The following PDE8B variants were observed in gnomAD, a reference collection of about 807,000 sequenced individuals.
PDE8B encodes high affinity cAMP-specific and IBMX-insensitive 3',5'-cyclic phosphodiesterase 8B.
PDE8B carries 26 observed loss-of-function variants against 101.3 expected under a neutral mutation model. That is an observed-to-expected ratio of 0.26 (90% CI 0.19 to 0.36). The LOEUF (loss-of-function observed/expected upper bound fraction) is 0.36, where lower values mean the gene tolerates loss of function less well. PDE8B is among the 10% of genes least tolerant of loss of function. The probability of loss-of-function intolerance (pLI) is 1.00; values close to 1 mark genes in which losing one functional copy is unlikely to be tolerated. For missense variants in PDE8B, 810 were observed against 1,163.1 expected (o/e 0.70, Z 4.42); for synonymous variants, 424 against 429.3 (o/e 0.99, Z 0.15).
chr5:77,400,210 T>A (rs776780722), intron 10 of PDE8B, 38 bp from the exon 11 acceptor site: 1 of 1,450,268 alleles, frequency 6.9e-7, no homozygotes, highest in Non-Finnish European at 9.7e-7. Context: ...ATATTTAAAA[T>A]CTTTCTCTTG....
intron 10 of PDE8B, among the ~76,000 whole-genome samples, chr5:77,364,551 C>G (rs1351251119): frequency 1.3e-5 from 2 of 152,132 alleles, no homozygotes; most frequent in African/African-American, 4.8e-5. Context: ...GCTAGGTTTC[C>G]TGGGTGAGAT....
At chr5:77,128,191 A>C in the PDE8B span, among the ~76,000 whole-genome samples, 1 of 152,164 alleles carries the variant, frequency 6.6e-6, no homozygotes, top group Non-Finnish European at 1.5e-5. Context: ...TTCCACCTGT[A>C]CCTCATCCCA....
At chr5:77,216,080 CAG>C (rs1320297492) in intron 1 of PDE8B, among the ~76,000 whole-genome samples, 6 of 152,166 alleles carry the variant, frequency 3.9e-5, no homozygotes, top group Admixed American at 3.9e-4. Context: ...CCTGATCAGA[CAG>C]AGTCTGGGCA....
At chr5:77,369,436 G>A (rs1784706746) in intron 10 of PDE8B, among the ~76,000 whole-genome samples, 1 of 151,930 alleles carries the variant, frequency 6.6e-6, no homozygotes, top group Non-Finnish European at 1.5e-5. Context: ...GAGGATGAGG[G>A]TGTGCTGGAC....
the PDE8B span, among the ~76,000 whole-genome samples, chr5:77,136,749 C>T: frequency 6.6e-6 from 1 of 152,158 alleles, no homozygotes; most frequent in Non-Finnish European, 1.5e-5. Flanking sequence ...TAGCTGCTGG[C>T]ATTTTTGCAG....
the PDE8B span, among the ~76,000 whole-genome samples, chr5:77,131,716 A>G: frequency 1.3e-5 from 2 of 152,254 alleles, no homozygotes; most frequent in Non-Finnish European, 2.9e-5. Flanking sequence ...TTTAGAAACA[A>G]TTCTCTTGTT....
upstream of PDE8B, among the ~76,000 whole-genome samples, chr5:77,207,394 C>G (rs925648475): frequency 5.9e-5 from 9 of 152,164 alleles, no homozygotes; most frequent in African/African-American, 1.9e-4. Context: ...TTATTTAATA[C>G]TATTATAAAA....
upstream of PDE8B, chr5:77,210,602 G>A: frequency 3.4e-5 from 33 of 980,414 alleles, no homozygotes; most frequent in Non-Finnish European, 3.9e-5. The surrounding 1 kb of genome is among the most constrained non-coding windows in gnomAD (Gnocchi z 4.9). Context: ...GAGGGAGGAG[G>A]GGAAGGCGGA....
intron 14 of PDE8B, among the ~76,000 whole-genome samples, chr5:77,410,017 G>A (rs1794225566): frequency 6.6e-6 from 1 of 152,268 alleles, no homozygotes. Flanking sequence ...AGCTGCAGTG[G>A]GAGGGGTCTG....
intron 1 of PDE8B, among the ~76,000 whole-genome samples, chr5:77,305,962 A>T (rs1771108248): frequency 6.6e-6 from 1 of 152,154 alleles, no homozygotes; most frequent in Admixed American, 6.5e-5. Flanking sequence ...GAAGGAAGGG[A>T]TTCTAAAGGA....
the PDE8B span, among the ~76,000 whole-genome samples, chr5:77,183,705 GT>G: frequency 1.3e-5 from 2 of 152,116 alleles, no homozygotes; most frequent in African/African-American, 4.8e-5. Context: ...GTCTTTTCAT[GT>G]CAGCAAAGAG....
chr5:77,097,734 C>CTATATATATATATATATAT, the PDE8B span, among the ~76,000 whole-genome samples: 1 of 26,838 alleles, frequency 3.7e-5, no homozygotes, highest in African/African-American at 8.0e-5. Context: ...TATATATATA[C>CTATATATATATATATATAT]ATACATATGA....
At chr5:77,266,640 ACCT>A (rs922119130) in intron 1 of PDE8B, among the ~76,000 whole-genome samples, 1 of 152,090 alleles carries the variant, frequency 6.6e-6, no homozygotes, top group Non-Finnish European at 1.5e-5. Context: ...TGAAGAGAAT[ACCT>A]CCTGTGACCA....
At chr5:77,357,809 C>T (rs1303805736) in intron 10 of PDE8B, among the ~76,000 whole-genome samples, 1 of 152,230 alleles carries the variant, frequency 6.6e-6, no homozygotes, top group African/African-American at 2.4e-5. Flanking sequence ...TTTGCCTTCT[C>T]TCTTTTATCC....
chr5:77,211,171 C>A lies in PDE8B; in HGVS notation c.246C>A (p.Ser82=). Residue 82 remains serine, a synonymous_variant, in exon 1 of 22, where the codon TCC becomes TCA. Coordinates refer to ENST00000264917, the MANE Select transcript of PDE8B (RefSeq NM_003719.5). The surrounding 1 kb of genome is among the most constrained non-coding windows in gnomAD (Gnocchi z 4.1). ...TELGSGSSAG[S]AAPAATTSRG... ...TGGGCAGCGGTAGCAGCGCGGGTTCCGCAGCCCCCGCCGCGACCACCAGCA... is the reference window on the plus strand; with the variant it reads ...TGGGCAGCGGTAGCAGCGCGGGTTCAGCAGCCCCCGCCGCGACCACCAGCA... 1 of 1,534,680 alleles carries A rather than the reference C, an allele frequency of 6.5e-7. No individual in the cohort carries two copies. The highest frequency in any genetic ancestry group is 8.7e-7 in the Non-Finnish European group (1 of 1,147,260).
chr5:77,314,102 G>A (rs1773275968), intron 2 of PDE8B, among the ~76,000 whole-genome samples: 1 of 151,782 alleles, frequency 6.6e-6, no homozygotes, highest in Admixed American at 6.6e-5. Context: ...TGTGAGGTAG[G>A]GGCTTTATTT....
intron 1 of PDE8B, among the ~76,000 whole-genome samples, chr5:77,215,771 G>C (rs1380937916): frequency 6.6e-6 from 1 of 152,192 alleles, no homozygotes; most frequent in African/African-American, 2.4e-5. Context: ...GAAGGAGGGA[G>C]TGAGCCCCGT....
At chr5:77,336,595 T>C (rs1312718747) in intron 5 of PDE8B, among the ~76,000 whole-genome samples, 5 of 151,332 alleles carry the variant, frequency 3.3e-5, no homozygotes, top group Non-Finnish European at 5.9e-5. Context: ...ATCCATTGTA[T>C]GTATACACCA....
chr5:77,222,770 T>C (rs1751435811), intron 1 of PDE8B, among the ~76,000 whole-genome samples: 1 of 152,214 alleles, frequency 6.6e-6, no homozygotes, highest in African/African-American at 2.4e-5. Flanking sequence ...ACTGTGAGCC[T>C]GAGGGGTAAG....
Sources: gnomAD v4.1 joint callset for allele counts (sites outside exome capture counted in the v4.1 genomes callset) on GRCh38, gnomAD v4.1.1 for gene constraint, Gnocchi (gnomAD v3.1) non-coding constraint, MANE v1.5 for transcripts, NCBI Gene and HGNC (gene_info 2026-07-23, HGNC 2026-07-21) for gene names.